ACVR1C: variants seen among roughly 807,000 people sequenced by gnomAD.
ACVR1C encodes the protein activin A receptor type 1C, also known as activin receptor type-1C.
Under a neutral mutation model 57.9 loss-of-function variants are expected in ACVR1C, and 23 were observed. That is an observed-to-expected ratio of 0.40 (90% CI 0.29 to 0.56). The LOEUF is 0.56. Among genes scored for constraint, ACVR1C ranks in the 20% least tolerant of loss-of-function variants. The probability of loss-of-function intolerance (pLI) is 0.50; values close to 1 mark genes in which losing one functional copy is unlikely to be tolerated. For missense variants in ACVR1C, 480 were observed against 607.9 expected, an observed-to-expected ratio of 0.79 and a Z score of 2.21; for synonymous variants, 214 against 215.3, an observed-to-expected ratio of 0.99 and a Z score of 0.05.
chr2:157,554,274 AGGAAGGAAGAGAGAG>A (rs1688022563), intron 3 of ACVR1C, among the ~76,000 whole-genome samples: 1 of 139,264 alleles, frequency 7.2e-6, no homozygotes, highest in Non-Finnish European at 1.5e-5. Flanking sequence ...AAAGAAAGGA[AGGAAGGAAGAGAGAG>A]AGAGAGAGAA....
rs1558975234 is a variant in ACVR1C at position 157,554,284 on chromosome 2, A to AAGGAAGG, written c.544+1808_544+1809insCCTTCCT. Reference sequence around the variant, plus strand: ...GAAAGAAAGAAAGGAAGGAAGGAAGAGAGAGAGAGAGAGAAAGAAAGAAAG... The same window carrying AAGGAAGG: ...GAAAGAAAGAAAGGAAGGAAGGAAGAAGGAAGGGAGAGAGAGAGAGAAAGAAAGAAAG... On this transcript the variant is annotated intron_variant, in intron 3 of 8. Coordinates refer to ENST00000243349, the MANE Select transcript of ACVR1C (RefSeq NM_145259.3). Among the ~76,000 whole-genome samples the AAGGAAGG allele has an allele frequency of 4.1e-3, 462 of 114,042 alleles. 30 individuals are homozygous for AAGGAAGG. The highest frequency in any genetic ancestry group is 0.02 in the African/African-American group (397 of 19,460). 74.8% of individuals were successfully genotyped at this position (114,042 alleles called of 152,430 possible). A position where few individuals can be genotyped will look rare whatever the true frequency, so the allele number is the denominator to read the frequency against.
At chr2:157,584,732 A>G (rs531338606) in intron 2 of ACVR1C, among the ~76,000 whole-genome samples, 1 of 152,354 alleles carries the variant, frequency 6.6e-6, no homozygotes, top group South Asian at 2.1e-4. Flanking sequence ...AATTCCACTC[A>G]GGTATTTTCA....
chr2:157,627,792 G>A (rs1682928961), intron 1 of ACVR1C, among the ~76,000 whole-genome samples: 1 of 152,202 alleles, frequency 6.6e-6, no homozygotes, highest in Non-Finnish European at 1.5e-5. Flanking sequence ...AATAGTTTTC[G>A]AGGTAAAGGG....
intron 1 of ACVR1C, among the ~76,000 whole-genome samples, chr2:157,611,456 C>T (rs1436925140): frequency 1.3e-5 from 2 of 151,764 alleles, no homozygotes; most frequent in African/African-American, 4.8e-5. Context: ...CCCAGGGTGG[C>T]ATATGTTGAC....
At chr2:157,536,287 G>T (rs919169972) in intron 8 of ACVR1C, among the ~76,000 whole-genome samples, 1 of 152,130 alleles carries the variant, frequency 6.6e-6, no homozygotes, top group African/African-American at 2.4e-5. Flanking sequence ...ACTGAGGAAA[G>T]CCACAAACCA....
At position 157,531,587 on chromosome 2, in the gene ACVR1C, G is replaced by A. The variant is rs1397052702; in HGVS notation, c.*2331C>T. On this transcript the variant is annotated 3_prime_UTR_variant, in exon 9 of 9. Coordinates refer to ENST00000243349, the MANE Select transcript of ACVR1C (RefSeq NM_145259.3). ...AAATAAAACAGGAAATATCATTCTTGTTTATTTGAGGCACGTACAACCATA... is the reference window on the plus strand; with the variant it reads ...AAATAAAACAGGAAATATCATTCTTATTTATTTGAGGCACGTACAACCATA... 1 of 151,988 alleles carries A rather than the reference G, an allele frequency of 6.6e-6. No individual in the cohort carries two copies. The highest frequency in any genetic ancestry group is 1.9e-4 in the East Asian group (1 of 5,194). 9.4% of individuals were successfully genotyped at this position (151,988 alleles called of 1,614,324 possible). A position where few individuals can be genotyped will look rare whatever the true frequency, so the allele number is the denominator to read the frequency against.
chr2:157,546,994 AG>A (rs908669975), intron 4 of ACVR1C, among the ~76,000 whole-genome samples: 1 of 118,498 alleles, frequency 8.4e-6, no homozygotes, highest in Non-Finnish European at 1.7e-5. Context: ...CAGTCCCCAG[AG>A]TGTGATATTA....
At chr2:157,574,370 TC>T (rs1290740703) in intron 2 of ACVR1C, among the ~76,000 whole-genome samples, 1 of 152,052 alleles carries the variant, frequency 6.6e-6, no homozygotes, top group African/African-American at 2.4e-5. Context: ...AGGGCACTAG[TC>T]TCATTCATGA....
chr2:157,597,546 C>T, intron 1 of ACVR1C: 1 of 985,424 alleles, frequency 1.0e-6, no homozygotes, highest in Non-Finnish European at 1.2e-6. Context: ...GCCACCTGCC[C>T]GACGGCAGCG....
intron 1 of ACVR1C, among the ~76,000 whole-genome samples, chr2:157,599,575 T>C (rs971808808): frequency 6.6e-6 from 1 of 152,168 alleles, no homozygotes; most frequent in Non-Finnish European, 1.5e-5. Context: ...TTGATCAGCC[T>C]GCACACTTTG....
Position 157,554,276 on chromosome 2 carries a change from GAA to G in ACVR1C, c.544+1815_544+1816del, listed in dbSNP as rs1558975168. Among the ~76,000 whole-genome samples the G allele has an allele frequency of 2.4e-4, 14 of 57,328 alleles. No individual in the cohort carries two copies. The East Asian group carries it at 2.6e-3, about 11-fold the overall frequency. 37.6% of individuals were successfully genotyped at this position (57,328 alleles called of 152,430 possible). A position where few individuals can be genotyped will look rare whatever the true frequency, so the allele number is the denominator to read the frequency against. On this transcript the variant is annotated intron_variant, in intron 3 of 8. Coordinates refer to ENST00000243349, the MANE Select transcript of ACVR1C (RefSeq NM_145259.3). ...GAAAGAAAGAAAGAAAGAAAGGAAG[GAA>G]GGAAGAGAGAGAGAGAGAGAAAGAA... is the stretch of plus-strand genomic sequence containing the variant.
In ACVR1C at chr2:157,529,018, CA is replaced by C. The variant is rs1442351878; in HGVS notation, c.*4899del. On this transcript the variant is annotated 3_prime_UTR_variant, in exon 9 of 9. Transcript: ENST00000243349. ...GAGATCTGCCAAACATTTTTTAATG[CA>C]CTAAAAGAAGATGAATGCCAAAGAC... The C allele has an allele frequency of 2.6e-5, 4 of 151,924 alleles. No homozygotes were observed. Among genetic ancestry groups the C allele is most frequent in the African/African-American group, 9.7e-5 (4 of 41,354 alleles). 9.4% of individuals were successfully genotyped at this position (151,924 alleles called of 1,614,324 possible).
chr2:157,598,151 AC>A (rs1286542806), intron 1 of ACVR1C, among the ~76,000 whole-genome samples: 1 of 151,684 alleles, frequency 6.6e-6, no homozygotes, highest in Non-Finnish European at 1.5e-5. Flanking sequence ...TAATTTGGGG[AC>A]CCAACCAAGG....
At chr2:157,593,469 GT>G (rs1311557681) in intron 1 of ACVR1C, among the ~76,000 whole-genome samples, 1 of 152,078 alleles carries the variant, frequency 6.6e-6, no homozygotes, top group Non-Finnish European at 1.5e-5. Flanking sequence ...AATTTCTCTA[GT>G]TTTAGACCAG....
At chr2:157,590,342 A>G (rs1275800504) in intron 1 of ACVR1C, among the ~76,000 whole-genome samples, 1 of 151,910 alleles carries the variant, frequency 6.6e-6, no homozygotes, top group Non-Finnish European at 1.5e-5. Context: ...TATTTGATAC[A>G]CAAATGACAA....
intron 1 of ACVR1C, among the ~76,000 whole-genome samples, chr2:157,613,159 C>CT (rs1360813971): frequency 6.6e-6 from 1 of 152,216 alleles, no homozygotes; most frequent in Non-Finnish European, 1.5e-5. Context: ...CAGCCACTGG[C>CT]TGCTCACTTC....
At chr2:157,555,157 G>T (rs1480385493) in intron 3 of ACVR1C, among the ~76,000 whole-genome samples, 7 of 121,844 alleles carry the variant, frequency 5.7e-5, no homozygotes, top group African/African-American at 2.0e-4. Context: ...TGTCACCCAG[G>T]CCGGACTGCG....
intron 1 of ACVR1C, among the ~76,000 whole-genome samples, chr2:157,587,801 A>C (rs1573939156): frequency 6.6e-6 from 1 of 152,218 alleles, no homozygotes; most frequent in East Asian, 1.9e-4. Context: ...ATAGAACATT[A>C]AAGTGGGGTT....
chr2:157,543,996 A>T (rs1013217281), intron 5 of ACVR1C, among the ~76,000 whole-genome samples: 2 of 151,296 alleles, frequency 1.3e-5, no homozygotes, highest in African/African-American at 4.9e-5. Flanking sequence ...TATCATGACA[A>T]TACCTTTAGC....
Sources: gnomAD v4.1 joint callset for allele counts (sites outside exome capture counted in the v4.1 genomes callset) on GRCh38, gnomAD v4.1.1 for gene constraint, MANE v1.5 for transcripts, NCBI Gene and HGNC (gene_info 2026-07-23, HGNC 2026-07-21) for gene names.